IGF2BP3: variants seen among roughly 807,000 people sequenced by gnomAD.
IGF2BP3 encodes the protein insulin like growth factor 2 mRNA binding protein 3, also known as insulin-like growth factor 2 mRNA-binding protein 3.
Under a neutral mutation model 73.8 loss-of-function variants are expected in IGF2BP3, and 9 were observed. That is an observed-to-expected ratio of 0.12 (90% CI 0.07 to 0.21). The LOEUF is 0.21. Among genes scored for constraint, IGF2BP3 ranks in the 10% least tolerant of loss-of-function variants. IGF2BP3 has a pLI of 1.00. For missense variants in IGF2BP3, 542 were observed against 714.0 expected, an observed-to-expected ratio of 0.76 and a Z score of 2.75; for synonymous variants, 258 against 256.7, an observed-to-expected ratio of 1.01 and a Z score of -0.05.
intron 3 of IGF2BP3, among the ~76,000 whole-genome samples, chr7:23,396,768 G>A (rs1438877668): frequency 1.3e-5 from 2 of 152,200 alleles, no homozygotes; most frequent in Non-Finnish European, 2.9e-5. Flanking sequence ...GAAGCTAAGA[G>A]AAGGATGGGG....
chr7:23,404,715 G>A (rs1442688837), intron 3 of IGF2BP3, among the ~76,000 whole-genome samples: 3 of 142,876 alleles, frequency 2.1e-5, no homozygotes, highest in East Asian at 2.4e-4. Flanking sequence ...TGTGTTTTGA[G>A]TAAGACAAAG....
chr7:23,468,588 C>T (rs1439609033), intron 1 of IGF2BP3, 46 bp from the exon 2 acceptor site: 4 of 1,594,932 alleles, frequency 2.5e-6, no homozygotes, highest in Non-Finnish European at 3.4e-6. Flanking sequence ...TTCAGCGGCT[C>T]TCCCTGCCCG....
At chr7:23,368,025 AC>A (rs1250905475) in intron 3 of IGF2BP3, among the ~76,000 whole-genome samples, 1 of 152,092 alleles carries the variant, frequency 6.6e-6, no homozygotes, top group African/African-American at 2.4e-5. Context: ...AAACAAAAAA[AC>A]AAAGTTCATT....
At chr7:23,413,569 T>C (rs548367480) in intron 3 of IGF2BP3, 2 of 152,130 alleles carry the variant, frequency 1.3e-5, no homozygotes, top group Admixed American at 6.5e-5. Context: ...AGAAAAAATA[T>C]CTAAAGGTGT....
chr7:23,461,986 A>G (rs1419328657), intron 2 of IGF2BP3, among the ~76,000 whole-genome samples: 3 of 152,234 alleles, frequency 2.0e-5, no homozygotes, highest in Non-Finnish European at 4.4e-5. Context: ...CACTTAGGGT[A>G]AGATCAGTCA....
chr7:23,414,861 T>C (rs1429515217), intron 3 of IGF2BP3: 1 of 175,410 alleles, frequency 5.7e-6, no homozygotes, highest in Non-Finnish European at 1.2e-5. Flanking sequence ...GCCCTGTCCG[T>C]CAGTCGGCAT....
chr7:23,465,084 C>A (rs1254849995), intron 2 of IGF2BP3, among the ~76,000 whole-genome samples: 1 of 152,182 alleles, frequency 6.6e-6, no homozygotes, highest in East Asian at 1.9e-4. Context: ...CAACAGCCCA[C>A]AACATAACAA....
chr7:23,368,343 AAAAGAAAGAAAGAAAGAAAGAAAG>A (rs58687904), intron 3 of IGF2BP3, among the ~76,000 whole-genome samples: 3 of 137,924 alleles, frequency 2.2e-5, no homozygotes, highest in Non-Finnish European at 3.1e-5. Context: ...AAGAAAGAAA[AAAAGAAAGAAAGAAAGAAAGAAAG>A]AAAGAAAGAA....
chr7:23,467,988 T>A lies in IGF2BP3; in HGVS notation c.236+494A>T, dbSNP rs144161630. 359 of 171,340 alleles carry A rather than the reference T, an allele frequency of 2.1e-3. 1 individual carries two copies. Among genetic ancestry groups the A allele is most frequent in the African/African-American group, 8.2e-3 (344 of 41,984 alleles). The allele number at this position is 171,340 out of a possible 1,614,324, so 10.6% of individuals were successfully genotyped here. A position where few individuals can be genotyped will look rare whatever the true frequency, so the allele number is the denominator to read the frequency against. On this transcript the variant is annotated intron_variant, in intron 2 of 14. Transcript: ENST00000258729. The stretch of plus-strand genomic sequence containing the variant: ...GTTTACGCACGCGTTCCAATACCCC[T>A]GGCGAGCTCACAGGGCAGAGGCAAA...
chr7:23,356,423 G>A (rs907512470), intron 5 of IGF2BP3, among the ~76,000 whole-genome samples: 5 of 152,084 alleles, frequency 3.3e-5, no homozygotes, highest in Admixed American at 2.6e-4. Flanking sequence ...TGGGTGTAGT[G>A]GCACATGCCT....
At chr7:23,316,763 C>CA (rs1424634868) in intron 12 of IGF2BP3, among the ~76,000 whole-genome samples, 1 of 149,610 alleles carries the variant, frequency 6.7e-6, no homozygotes, top group African/African-American at 2.5e-5. Context: ...TGTTCTAAGA[C>CA]AAGACACCCA....
intron 12 of IGF2BP3, among the ~76,000 whole-genome samples, chr7:23,314,282 A>C (rs575686490): frequency 6.6e-6 from 1 of 151,680 alleles, no homozygotes; most frequent in African/African-American, 2.4e-5. Flanking sequence ...TCCCAGGTTC[A>C]AGTGATTCTC....
intron 2 of IGF2BP3, among the ~76,000 whole-genome samples, chr7:23,429,230 G>A (rs1323861888): frequency 6.6e-6 from 1 of 152,018 alleles, no homozygotes; most frequent in African/African-American, 2.4e-5. Flanking sequence ...TTGGATGACT[G>A]GAATTTCACA....
rs1268312669 is a variant in IGF2BP3 at position 23,311,743 on chromosome 7, A to C, written c.*619T>G. On this transcript the variant is annotated 3_prime_UTR_variant, in exon 15 of 15. Coordinates refer to ENST00000258729, the MANE Select transcript of IGF2BP3 (RefSeq NM_006547.3). Reference sequence around the variant, plus strand: ...GACTTCTATCATTATAAAGTATATAAAATTTTCAAAAAAAAGGAACAATTT... The same window carrying C: ...GACTTCTATCATTATAAAGTATATACAATTTTCAAAAAAAAGGAACAATTT... The C allele has an allele frequency of 6.6e-6, 1 of 152,562 alleles. No individual in the cohort carries two copies. Among genetic ancestry groups the C allele is most frequent in the Admixed American group, 6.5e-5 (1 of 15,270 alleles). The allele number at this position is 152,562 out of a possible 1,614,324, so 9.5% of individuals were successfully genotyped here.
intron 10 of IGF2BP3, among the ~76,000 whole-genome samples, chr7:23,325,479 T>C (rs547172543): frequency 1.3e-5 from 2 of 152,248 alleles, no homozygotes; most frequent in South Asian, 4.1e-4. Context: ...ATCAATATCG[T>C]GAAAATGGCC....
At chr7:23,381,338 A>G (rs564579596) in intron 3 of IGF2BP3, among the ~76,000 whole-genome samples, 1 of 152,344 alleles carries the variant, frequency 6.6e-6, no homozygotes, top group East Asian at 1.9e-4. Context: ...TCAGGATGTG[A>G]ACCCACACTA....
chr7:23,395,789 G>C lies in IGF2BP3; in HGVS notation c.285+22987C>G, dbSNP rs559990713. ...AAAAATACAACAATTAGCTGGGCGT[G>C]GTGACAGGTGCCTGTAATCCCAGCT... On this transcript the variant is annotated intron_variant, in intron 3 of 14. Coordinates refer to ENST00000258729, the MANE Select transcript of IGF2BP3 (RefSeq NM_006547.3). 4.9e-3 allele frequency among the ~76,000 whole-genome samples: 746 copies of C among 151,924 alleles called. 6 individuals carry two copies. The highest frequency in any genetic ancestry group is 6.9e-3 in the Non-Finnish European group (470 of 67,948).
chr7:23,465,381 A>C (rs1200526947), intron 2 of IGF2BP3, among the ~76,000 whole-genome samples: 2 of 152,236 alleles, frequency 1.3e-5, no homozygotes, highest in African/African-American at 4.8e-5. Context: ...CAATGTCTGT[A>C]AAGTAACTGC....
chr7:23,443,194 C>T (rs562731846), intron 2 of IGF2BP3, among the ~76,000 whole-genome samples: 7 of 141,958 alleles, frequency 4.9e-5, no homozygotes, highest in South Asian at 2.3e-4. Flanking sequence ...GGTGCGATCT[C>T]GGCTCACTGT....
Sources: gnomAD v4.1 joint callset for allele counts (sites outside exome capture counted in the v4.1 genomes callset) on GRCh38, gnomAD v4.1.1 for gene constraint, MANE v1.5 for transcripts, NCBI Gene and HGNC (gene_info 2026-07-23, HGNC 2026-07-21) for gene names.